Variants in HOOK1 observed in about 807,000 individuals in gnomAD.
HOOK1 encodes the protein hook microtubule tethering protein 1.
In HOOK1, 60 loss-of-function variants were observed where a neutral mutation model predicts 112.8. That is an observed-to-expected ratio of 0.53 (90% CI 0.43 to 0.66). The LOEUF (loss-of-function observed/expected upper bound fraction) is 0.66. Among genes scored for constraint, HOOK1 ranks in the 30% least tolerant of loss-of-function variants. HOOK1 has a pLI of 0.00. For missense variants in HOOK1, 770 were observed against 856.0 expected (o/e 0.90, Z 1.25); for synonymous variants, 294 against 283.8 (o/e 1.04, Z -0.36).
Position 59,835,955 on chromosome 1 carries a change from G to C in HOOK1, c.474+543G>C, listed in dbSNP as rs553444721. On this transcript the variant is annotated intron_variant, in intron 6 of 21. Coordinates refer to ENST00000371208, the MANE Select transcript of HOOK1 (RefSeq NM_015888.6). Reference sequence around the variant, plus strand: ...ACTGGTGCCAGTCCATGGCCTGGGGGTTGGGGACCCTTCCTTTAAATAACT... The same window carrying C: ...ACTGGTGCCAGTCCATGGCCTGGGGCTTGGGGACCCTTCCTTTAAATAACT... 2.6e-5 allele frequency among the ~76,000 whole-genome samples: 4 copies of C among 152,120 alleles called. No individual in the cohort carries two copies. In the East Asian group the frequency reaches 7.7e-4, roughly 29 times the overall value.
At chr1:59,859,742 C>A (rs1264567519) in intron 14 of HOOK1, among the ~76,000 whole-genome samples, 1 of 151,744 alleles carries the variant, frequency 6.6e-6, no homozygotes, top group East Asian at 1.9e-4. Flanking sequence ...TTTCTTATTG[C>A]CATTATAAGG....
chr1:59,823,114 A>T (rs1574173888), intron 2 of HOOK1, among the ~76,000 whole-genome samples: 12 of 152,180 alleles, frequency 7.9e-5, no homozygotes, highest in Non-Finnish European at 1.3e-4. Context: ...AGGTCAGCAG[A>T]TCGAGACCAT....
At position 59,854,967 on chromosome 1, in the gene HOOK1, C is replaced by T. The variant is rs147420101; in HGVS notation, c.1243-3461C>T. On this transcript the variant is annotated intron_variant, in intron 12 of 21. Transcript: ENST00000371208. ...TAAAACAACGACAACAAGCAGTCAACAGAAACAGCCAGTGAGGTGTCCTAA... is the reference window on the plus strand; with the variant it reads ...TAAAACAACGACAACAAGCAGTCAATAGAAACAGCCAGTGAGGTGTCCTAA... Among the ~76,000 whole-genome samples the T allele has an allele frequency of 1.1e-3, 170 of 152,236 alleles. 1 individual carries two copies. Among genetic ancestry groups the T allele is most frequent in the South Asian group, 1.5e-3 (7 of 4,824 alleles).
chr1:59,841,658 C>T (rs1386211219), intron 8 of HOOK1, among the ~76,000 whole-genome samples: 2 of 152,020 alleles, frequency 1.3e-5, no homozygotes, highest in Non-Finnish European at 2.9e-5. Flanking sequence ...GGATCATATT[C>T]ACCCTGTAAA....
chr1:59,855,050 T>C (rs1050634660), intron 12 of HOOK1, among the ~76,000 whole-genome samples: 8 of 152,156 alleles, frequency 5.3e-5, no homozygotes, highest in African/African-American at 1.9e-4. Context: ...TGGGTGGATA[T>C]ACTAGACTAA....
chr1:59,861,157 T>A (rs959493309), intron 15 of HOOK1, among the ~76,000 whole-genome samples: 5 of 152,156 alleles, frequency 3.3e-5, no homozygotes, highest in African/African-American at 1.2e-4. Flanking sequence ...GTAATCCACC[T>A]GCCTCAGCCT....
intron 12 of HOOK1, 95 bp from the exon 13 acceptor site, chr1:59,858,333 A>C (rs2098411754): frequency 1.2e-6 from 1 of 807,346 alleles, no homozygotes; most frequent in East Asian, 2.5e-5. Context: ...AAATTAAGCA[A>C]CAATTATTAA....
At position 59,828,663 on chromosome 1, in the gene HOOK1, G is replaced by A. The variant is rs1028410420; in HGVS notation, c.150-117G>A. The A allele has an allele frequency of 3.7e-5, 26 of 701,048 alleles. 1 individual carries two copies. In the East Asian group the frequency reaches 7.1e-4, roughly 19 times the overall value. 43.4% of individuals were successfully genotyped at this position (701,048 alleles called of 1,614,324 possible). ...ATTATTGCTATATAAGTAATATTCA[G>A]TATTGTTATTAAGGATAGGCTTTAA... On this transcript the variant is annotated intron_variant, in intron 2 of 21. Coordinates refer to ENST00000371208, the MANE Select transcript of HOOK1 (RefSeq NM_015888.6).
At chr1:59,819,858 C>T (rs985363992) in intron 1 of HOOK1, among the ~76,000 whole-genome samples, 4 of 152,320 alleles carry the variant, frequency 2.6e-5, no homozygotes, top group Admixed American at 6.5e-5. Context: ...CTTCCCTGTA[C>T]ATCCACCCAG....
chr1:59,868,373 A>G, intron 20 of HOOK1, 22 bp downstream of exon 20: 1 of 1,307,524 alleles, frequency 7.6e-7, no homozygotes, highest in Non-Finnish European at 1.1e-6. Flanking sequence ...ATATTTACTC[A>G]TCTTTTAGTT....
intron 8 of HOOK1, among the ~76,000 whole-genome samples, chr1:59,842,804 C>T (rs2098401676): frequency 6.6e-6 from 1 of 151,992 alleles, no homozygotes; most frequent in Non-Finnish European, 1.5e-5. Context: ...GAAAATCATG[C>T]ATGTTTTAAA....
chr1:59,840,182 G>A (rs2098400305), intron 7 of HOOK1, 126 bp from the exon 8 acceptor site: 10 of 473,652 alleles, frequency 2.1e-5, no homozygotes, highest in Non-Finnish European at 3.1e-5. Context: ...TTTCTTATTA[G>A]GTAAATTCAA....
chr1:59,835,278 A>G, intron 5 of HOOK1, 67 bp from the exon 6 acceptor site: 1 of 850,784 alleles, frequency 1.2e-6, no homozygotes, highest in Non-Finnish European at 2.0e-6. Context: ...TAGTCTATTA[A>G]TTTGATGGCT....
Position 59,862,834 on chromosome 1 carries a change from A to C in HOOK1, c.1583A>C (p.Gln528Pro), listed in dbSNP as rs1168736284. ...RELQQQIEDL[Q>P]KSLQEQGSKS... is the part of the protein sequence containing the mutation. ...TTGCAGCAGCAGATTGAGGACCTCC[A>C]GAAATCTTTACAGGAACAAGGTTCC... is the stretch of plus-strand genomic sequence containing the variant. The change falls in exon 16 of 22, where the codon CAG becomes CCG. Residue 528 changes from glutamine (Q) to proline (P), a missense_variant. By Grantham distance (76) the Gln-to-Pro change is moderately conservative (BLOSUM62 -1). Coordinates refer to ENST00000371208, the MANE Select transcript of HOOK1 (RefSeq NM_015888.6). The C allele has an allele frequency of 3.1e-6, 5 of 1,612,312 alleles. No individual in the cohort carries two copies. In the African/African-American group the frequency reaches 6.7e-5, roughly 22 times the overall value.
Position 59,872,791 on chromosome 1 carries a change from T to G in HOOK1, c.2017-4T>G, listed in dbSNP as rs77197543. 6 of 1,391,970 alleles carry G rather than the reference T, an allele frequency of 4.3e-6. No homozygotes were observed. Among genetic ancestry groups the G allele is most frequent in the Non-Finnish European group, 5.7e-6 (6 of 1,061,016 alleles). The allele number at this position is 1,391,970 out of a possible 1,614,324, so 86.2% of individuals were successfully genotyped here. A position where few individuals can be genotyped will look rare whatever the true frequency, so the allele number is the denominator to read the frequency against. On this transcript the variant is annotated splice_polypyrimidine_tract_variant and splice_region_variant and intron_variant, in intron 21 of 21. Coordinates refer to ENST00000371208, the MANE Select transcript of HOOK1 (RefSeq NM_015888.6). The stretch of plus-strand genomic sequence containing the variant: ...AATAAAAAATATATGTTTTTTTTTT[T>G]CAGAGTCTAGCATTCCAGAAACTGG...
At chr1:59,852,612 A>C (rs929442314) in intron 12 of HOOK1, among the ~76,000 whole-genome samples, 5 of 150,368 alleles carry the variant, frequency 3.3e-5, no homozygotes, top group African/African-American at 1.2e-4. Flanking sequence ...TTGTGGTTTT[A>C]AAATTTGTTT....
At chr1:59,870,983 A>C in intron 20 of HOOK1, 59 bp from the exon 21 acceptor site, 1 of 1,087,138 alleles carries the variant, frequency 9.2e-7, no homozygotes, top group South Asian at 1.3e-5. Context: ...AAATTATTCT[A>C]TCTTTAGTAA....
intron 4 of HOOK1, among the ~76,000 whole-genome samples, chr1:59,832,717 T>A (rs2098394876): frequency 6.6e-6 from 1 of 152,036 alleles, no homozygotes; most frequent in Non-Finnish European, 1.5e-5. Flanking sequence ...TCTAGTAGGG[T>A]TTTTGATATA....
At position 59,823,020 on chromosome 1, in the gene HOOK1, A is replaced by G. The variant is rs115042867; in HGVS notation, c.149+1077A>G. Among the ~76,000 whole-genome samples the G allele has an allele frequency of 6.1e-3, 929 of 152,260 alleles. 9 individuals are homozygous for G. Among genetic ancestry groups the G allele is most frequent in the African/African-American group, 0.021 (883 of 41,558 alleles). On this transcript the variant is annotated intron_variant, in intron 2 of 21. Coordinates refer to ENST00000371208, the MANE Select transcript of HOOK1 (RefSeq NM_015888.6). ...CTTACTCCCATTCTGTCTTAAAAAT[A>G]TTTCTTAAATGTTTGATTGGCCGGG...
Sources: gnomAD v4.1 joint callset for allele counts (sites outside exome capture counted in the v4.1 genomes callset) on GRCh38, gnomAD v4.1.1 for gene constraint, MANE v1.5 for transcripts, NCBI Gene and HGNC (gene_info 2026-07-23, HGNC 2026-07-21) for gene names.